The following SCN3A variants were observed in gnomAD, a reference collection of about 807,000 sequenced individuals.
SCN3A encodes sodium channel protein type 3 subunit alpha.
SCN3A carries 60 observed loss-of-function variants against 187.6 expected under a neutral mutation model. The ratio of observed to expected loss-of-function variants is 0.32; its 90% CI spans 0.26 to 0.40. The LOEUF is 0.40. Ranked by LOEUF, SCN3A falls within the 10% of genes least tolerant of loss-of-function variation. The probability of loss-of-function intolerance (pLI) is 1.00; values close to 1 mark genes in which losing one functional copy is unlikely to be tolerated. For synonymous variants in SCN3A, 788 were observed against 829.2 expected (o/e 0.95, Z 0.85); for missense variants, 1,601 against 2,428.2 (o/e 0.66, Z 7.16).
At chr2:165,126,542 T>C (rs1439719982) in intron 18 of SCN3A, among the ~76,000 whole-genome samples, 1 of 151,236 alleles carries the variant, frequency 6.6e-6, no homozygotes, top group African/African-American at 2.4e-5. Context: ...TATTTCCTTC[T>C]TTCTTTCTCT....
At chr2:165,186,834 C>A (rs1691272623) in intron 1 of SCN3A, 87 bp from the exon 2 acceptor site, 1 of 151,824 alleles carries the variant, frequency 6.6e-6, no homozygotes, top group Non-Finnish European at 1.5e-5. Context: ...GGGTTTTATT[C>A]CTTTTTTTTT....
chr2:165,146,368 TTATA>T lies in SCN3A; in HGVS notation c.1671+367_1671+370del, dbSNP rs145037221. Reference sequence around the variant, plus strand: ...TCATTGAAAAGTCTGCTAGTGTAGGTTATATATATATATATGTGTGTGTGTGTGT... The same window carrying T: ...TCATTGAAAAGTCTGCTAGTGTAGGTTATATATATATGTGTGTGTGTGTGT... On this transcript the variant is annotated intron_variant, in intron 12 of 27. Coordinates refer to ENST00000283254, the MANE Select transcript of SCN3A (RefSeq NM_006922.4). Among the ~76,000 whole-genome samples the T allele has an allele frequency of 3.0e-3, 328 of 108,286 alleles. 2 individuals are homozygous for T. In the East Asian group the frequency reaches 0.052, roughly 17 times the overall value. 71.0% of individuals were successfully genotyped at this position (108,286 alleles called of 152,430 possible).
intron 18 of SCN3A, among the ~76,000 whole-genome samples, chr2:165,117,876 T>G (rs1686449737): frequency 6.6e-6 from 1 of 152,184 alleles, no homozygotes; most frequent in African/African-American, 2.4e-5. Context: ...ACCCTTCACT[T>G]CCCATGTTAC....
At position 165,186,248 on chromosome 2, in the gene SCN3A, C is replaced by T. The variant is rs754592282; in HGVS notation, c.-51+303G>A. Among the ~76,000 whole-genome samples, 96 of 151,466 alleles carry T rather than the reference C, an allele frequency of 6.3e-4. 1 individual carries two copies. The highest frequency in any genetic ancestry group is 1.3e-3 in the South Asian group (6 of 4,780). ...TCATGCCACTGCACTCCAGCCTGGG[C>T]GACAGAGAGAGACTCTGTCTCAAAA... On this transcript the variant is annotated intron_variant, in intron 2 of 27. Transcript: ENST00000283254.
intron 11 of SCN3A, among the ~76,000 whole-genome samples, chr2:165,150,877 A>G (rs1374493868): frequency 6.6e-6 from 1 of 152,308 alleles, no homozygotes; most frequent in East Asian, 1.9e-4. Context: ...ATTATTTCCT[A>G]TAACACTTAT....
At position 165,100,281 on chromosome 2, in the gene SCN3A, TAG is replaced by T. The variant is rs1685542918; in HGVS notation, c.3966+19_3966+20del. The T allele has an allele frequency of 1.2e-6, 2 of 1,612,108 alleles. No homozygotes were observed. The highest frequency in any genetic ancestry group is 8.5e-7 in the Non-Finnish European group (1 of 1,178,642). ...TACATGTAATTTTGACATGAATAAT[TAG>T]AGTGTCTATTCTTCTTACCCTCATG... On this transcript the variant is annotated intron_variant, in intron 22 of 27. Coordinates refer to ENST00000283254, the MANE Select transcript of SCN3A (RefSeq NM_006922.4).
At chr2:165,189,147 T>C (rs1691437146) in intron 1 of SCN3A, among the ~76,000 whole-genome samples, 1 of 152,196 alleles carries the variant, frequency 6.6e-6, no homozygotes, top group Non-Finnish European at 1.5e-5. Context: ...ACACATTTCC[T>C]AAAAGTTGTA....
rs928657629 is a variant in SCN3A at position 165,089,817 on chromosome 2, A to T, written c.*333T>A. ...AATATGGCAGATATGGAAGTTAAAA[A>T]TAGAATGGATGCAAGGACTGTACTA... On this transcript the variant is annotated 3_prime_UTR_variant, in exon 28 of 28. Transcript: ENST00000283254. The T allele has an allele frequency of 4.5e-6, 1 of 223,866 alleles. No homozygotes were observed. The highest frequency in any genetic ancestry group is 2.3e-5 in the African/African-American group (1 of 43,462). The allele number at this position is 223,866 out of a possible 1,614,324, so 13.9% of individuals were successfully genotyped here. A position where few individuals can be genotyped will look rare whatever the true frequency, so the allele number is the denominator to read the frequency against.
Position 165,090,676 on chromosome 2 carries a change from A to G in SCN3A, c.5477T>C (p.Ile1826Thr). 6.2e-7 allele frequency: 1 copy of G among 1,614,062 alleles called. No individual in the cohort carries two copies. Among genetic ancestry groups the G allele is most frequent in the Non-Finnish European group, 8.5e-7 (1 of 1,179,986 alleles). The change falls in exon 28 of 28, where the codon ATA (isoleucine) becomes ACA (threonine). Residue 1826 changes from isoleucine to threonine, a missense_variant. This residue lies in a region of SCN3A where 110 missense variants were observed against 175.9 expected (regional missense o/e 0.63). Transcript: ENST00000283254. This position sits in a 1 kb window ranked among gnomAD's most constrained non-coding sequence, Gnocchi z 4.0. ...FAAALDPPLLIAKPNKVQLIA... is the reference protein window; with the variant it reads ...FAAALDPPLLTAKPNKVQLIA... The stretch of plus-strand genomic sequence containing the variant: ...AAGCTGGACTTTGTTGGGTTTTGCT[A>G]TGAGAAGAGGAGGATCCAGGGCAGC...
At chr2:165,167,707 G>T (rs1689858654) in intron 5 of SCN3A, among the ~76,000 whole-genome samples, 1 of 152,018 alleles carries the variant, frequency 6.6e-6, no homozygotes, top group South Asian at 2.1e-4. Flanking sequence ...TAAAGAAATT[G>T]TGTTAGTTCA....
intron 15 of SCN3A, among the ~76,000 whole-genome samples, chr2:165,134,002 G>T (rs1030502290): frequency 6.6e-6 from 1 of 152,146 alleles, no homozygotes; most frequent in Non-Finnish European, 1.5e-5. Flanking sequence ...TGAAACAAAA[G>T]TAAGTTTGCC....
At chr2:165,115,044 TATTTA>T (rs1258967494) in intron 19 of SCN3A, among the ~76,000 whole-genome samples, 4 of 152,032 alleles carry the variant, frequency 2.6e-5, no homozygotes, top group East Asian at 1.9e-4. Flanking sequence ...ATATTTTTCT[TATTTA>T]ATTTAATTTA....
At chr2:165,111,910 A>G (rs768499609) in intron 21 of SCN3A, among the ~76,000 whole-genome samples, 30 of 152,202 alleles carry the variant, frequency 2.0e-4, no homozygotes, top group Non-Finnish European at 3.5e-4. Context: ...GGTTAAACAC[A>G]TTTTGGTTAT....
In SCN3A at chr2:165,088,835, G is replaced by C. The variant is rs1484769634; in HGVS notation, c.*1315C>G. 3 of 152,516 alleles carry C rather than the reference G, an allele frequency of 2.0e-5. No homozygotes were observed. The highest frequency in any genetic ancestry group is 4.4e-5 in the Non-Finnish European group (3 of 67,956). 9.4% of individuals were successfully genotyped at this position (152,516 alleles called of 1,614,324 possible). ...AAAATATGAAGAATAGGTTTTGTCA[G>C]TAGGCAGTATCCAGTGTGTTTCCTT... On this transcript the variant is annotated 3_prime_UTR_variant, in exon 28 of 28. Transcript: ENST00000283254.
rs1213829746 is a variant in SCN3A, at chr2:165,088,570, A to T, written c.*1580T>A. 2.0e-5 allele frequency: 3 copies of T among 152,540 alleles called. No individual in the cohort carries two copies. Among genetic ancestry groups the T allele is most frequent in the African/African-American group, 7.2e-5 (3 of 41,458 alleles). The allele number at this position is 152,540 out of a possible 1,614,324, so 9.4% of individuals were successfully genotyped here. A position where few individuals can be genotyped will look rare whatever the true frequency, so the allele number is the denominator to read the frequency against. ...TTGGAATGGTAGAAAATATATTATA[A>T]CAAAGAAATCCATAAAACCCATTAT... On this transcript the variant is annotated 3_prime_UTR_variant, in exon 28 of 28. Coordinates refer to ENST00000283254, the MANE Select transcript of SCN3A (RefSeq NM_006922.4).
At position 165,130,188 on chromosome 2, in the gene SCN3A, T is replaced by C; in HGVS notation, c.2674A>G (p.Ile892Val). 1 of 1,614,194 alleles carries C rather than the reference T, an allele frequency of 6.2e-7. No individual in the cohort carries two copies. Among genetic ancestry groups the C allele is most frequent in the Non-Finnish European group, 8.5e-7 (1 of 1,180,018 alleles). The change falls in exon 17 of 28, where the codon ATC becomes GTC. Residue 892 changes from isoleucine (I) to valine (V), a missense_variant. This residue lies in a region of SCN3A where 91 missense variants were observed against 207.0 expected (regional missense o/e 0.44). Transcript: ENST00000283254. Reference protein sequence around the residue: ...LGNLTLVLAIIVFIFAVVGMQ... With the variant: ...LGNLTLVLAIVVFIFAVVGMQ... ...CCGACCACAGCAAAAATGAAGACGA[T>C]GATGGCCAACACCAAGGTGAGGTTT... is the stretch of plus-strand genomic sequence containing the variant.
At chr2:165,191,578 G>A (rs980768001) in intron 1 of SCN3A, among the ~76,000 whole-genome samples, 1 of 152,068 alleles carries the variant, frequency 6.6e-6, no homozygotes, top group Admixed American at 6.6e-5. Context: ...CTTCCTCTAG[G>A]AAGCTGAATG....
chr2:165,167,741 G>A (rs1459596916), intron 5 of SCN3A, among the ~76,000 whole-genome samples: 6 of 152,058 alleles, frequency 3.9e-5, no homozygotes, highest in Non-Finnish European at 7.4e-5. Context: ...CCAGCATATT[G>A]ATGTTTTGAA....
In SCN3A at chr2:165,162,718, A is replaced by G. The variant is rs1442892646; in HGVS notation, c.805T>C (p.Phe269Leu). ...CATTTATTCCTCAGATTGCCCATGA[A>G]CAGCTGCAGCCCAATGAGAGCAAAC... ...SVFALIGLQL[F>L]MGNLRNKCLQ... Residue 269 changes from phenylalanine to leucine, a missense_variant, in exon 8 of 28, where the codon TTC becomes CTC. Coordinates refer to ENST00000283254, the MANE Select transcript of SCN3A (RefSeq NM_006922.4). 2 of 1,614,026 alleles carry G rather than the reference A, an allele frequency of 1.2e-6. No homozygotes were observed. The highest frequency in any genetic ancestry group is 1.7e-6 in the Non-Finnish European group (2 of 1,180,024).
Sources: gnomAD v4.1 joint callset for allele counts (sites outside exome capture counted in the v4.1 genomes callset) on GRCh38, gnomAD v4.1.1 for gene constraint, gnomAD v4.1.1 regional missense constraint, Gnocchi (gnomAD v3.1) non-coding constraint, MANE v1.5 for transcripts, NCBI Gene and HGNC (gene_info 2026-07-23, HGNC 2026-07-21) for gene names.